The following RFX7 variants were observed in gnomAD, a reference collection of about 807,000 sequenced individuals.
The protein encoded by RFX7 is regulatory factor X7.
RFX7 carries 26 observed loss-of-function variants against 111.8 expected under a neutral mutation model. The ratio of observed to expected loss-of-function variants is 0.23; its 90% CI spans 0.17 to 0.32. The LOEUF (loss-of-function observed/expected upper bound fraction) is 0.32, where lower values mean the gene tolerates loss of function less well. Among genes scored for constraint, RFX7 ranks in the 10% least tolerant of loss-of-function variants. The probability of loss-of-function intolerance (pLI) is 1.00; values close to 1 mark genes in which losing one functional copy is unlikely to be tolerated. For synonymous variants in RFX7, 624 were observed against 624.4 expected (o/e 1.00, Z 0.01); for missense variants, 1,573 against 1,772.9 (o/e 0.89, Z 2.02).
intron 5 of RFX7, among the ~76,000 whole-genome samples, chr15:56,138,975 C>T (rs552362301): frequency 1.7e-4 from 26 of 152,080 alleles, no homozygotes; most frequent in South Asian, 8.3e-4. Context: ...GGGTTTCTGC[C>T]GAGAGATCCG....
chr15:56,111,969 G>T (rs1397321533), intron 5 of RFX7, among the ~76,000 whole-genome samples: 1 of 151,972 alleles, frequency 6.6e-6, no homozygotes. Context: ...ACAAAAACTA[G>T]CCGGGCGTGG....
chr15:56,199,040 G>C (rs1198148789), intron 2 of RFX7, among the ~76,000 whole-genome samples: 6 of 151,960 alleles, frequency 3.9e-5, no homozygotes, highest in Non-Finnish European at 8.8e-5. Flanking sequence ...GGACTTAGCA[G>C]ATCCTTTTAA....
chr15:56,206,132 A>G (rs1475666339), intron 2 of RFX7, among the ~76,000 whole-genome samples: 2 of 152,186 alleles, frequency 1.3e-5, no homozygotes, highest in Non-Finnish European at 2.9e-5. Flanking sequence ...ACCTTTGTAC[A>G]CTAATGTTGA....
intron 2 of RFX7, among the ~76,000 whole-genome samples, chr15:56,205,749 A>G (rs1475426771): frequency 1.3e-5 from 2 of 152,206 alleles, no homozygotes; most frequent in African/African-American, 4.8e-5. Flanking sequence ...GAACCTGGAA[A>G]TAAACTCACT....
chr15:56,235,789 G>A lies in RFX7; in HGVS notation c.161+7336C>T, dbSNP rs531106046. ...AAGTTCCAATCAATTTGCTAATCCCGTGTTGGAATGGGTGTAAAGGTATCC... is the reference window on the plus strand; with the variant it reads ...AAGTTCCAATCAATTTGCTAATCCCATGTTGGAATGGGTGTAAAGGTATCC... On this transcript the variant is annotated intron_variant, in intron 2 of 9. Coordinates refer to ENST00000559447, the MANE Select transcript of RFX7 (RefSeq NM_022841.7). Among the ~76,000 whole-genome samples the A allele has an allele frequency of 3.7e-4, 56 of 152,292 alleles. No homozygotes were observed. The South Asian group carries it at 5.0e-3, about 14-fold the overall frequency.
At chr15:56,112,682 C>G (rs117493222) in intron 5 of RFX7, among the ~76,000 whole-genome samples, 1 of 152,080 alleles carries the variant, frequency 6.6e-6, no homozygotes, top group Non-Finnish European at 1.5e-5. Flanking sequence ...AAGAGCTGCA[C>G]AGCAAAAGAA....
At chr15:56,185,100 A>C (rs552726165) in intron 2 of RFX7, among the ~76,000 whole-genome samples, 50 of 152,356 alleles carry the variant, frequency 3.3e-4, no homozygotes, top group Admixed American at 2.0e-3. Flanking sequence ...CACAAAAGAA[A>C]GACTTTATCT....
chr15:56,208,141 C>G (rs2043274268), intron 2 of RFX7, among the ~76,000 whole-genome samples: 2 of 152,248 alleles, frequency 1.3e-5, no homozygotes, highest in South Asian at 4.1e-4. Flanking sequence ...ACTTTCATGC[C>G]TTAGACAAGG....
At chr15:56,176,439 C>T (rs552219314) in intron 3 of RFX7, among the ~76,000 whole-genome samples, 1 of 152,048 alleles carries the variant, frequency 6.6e-6, no homozygotes, top group South Asian at 2.1e-4. Flanking sequence ...AATCTTAATA[C>T]CAACAAAAGA....
At chr15:56,243,055 CG>C in intron 2 of RFX7, 69 bp downstream of exon 2, 9 of 779,930 alleles carry the variant, frequency 1.2e-5, no homozygotes, top group Admixed American at 7.7e-5. Context: ...CCCCGCCCGC[CG>C]CCCCCCACCC....
At chr15:56,131,103 G>C (rs1405845450) in intron 5 of RFX7, among the ~76,000 whole-genome samples, 3 of 147,686 alleles carry the variant, frequency 2.0e-5, no homozygotes, top group Admixed American at 6.8e-5. Flanking sequence ...ACCTGACAAA[G>C]ATAGCATAAA....
At chr15:56,121,240 A>G (rs1271766099) in intron 5 of RFX7, among the ~76,000 whole-genome samples, 1 of 152,068 alleles carries the variant, frequency 6.6e-6, no homozygotes, top group Non-Finnish European at 1.5e-5. Context: ...TTTGAAAGAT[A>G]TTTTCACTGG....
At chr15:56,142,700 T>C (rs2042416914) in intron 5 of RFX7, 78 bp downstream of exon 5, 2 of 1,321,944 alleles carry the variant, frequency 1.5e-6, no homozygotes, top group Admixed American at 2.2e-5. Flanking sequence ...TCACCAATAA[T>C]AAAACAAATC....
Position 56,089,567 on chromosome 15 carries a change from C to G in RFX7, c.*3778G>C, listed in dbSNP as rs952210057. ...CCCCAGAATTTCTTACTGGTTGACT[C>G]TATGCACTGGTTCTTATGTTTGCCT... On this transcript the variant is annotated 3_prime_UTR_variant, in exon 10 of 10. Coordinates refer to ENST00000559447, the MANE Select transcript of RFX7 (RefSeq NM_022841.7). 1.3e-4 allele frequency: 20 copies of G among 152,228 alleles called. No individual in the cohort carries two copies. Among genetic ancestry groups the G allele is most frequent in the Admixed American group, 1.1e-3 (17 of 15,276 alleles). The allele number at this position is 152,228 out of a possible 1,614,324, so 9.4% of individuals were successfully genotyped here.
intron 5 of RFX7, among the ~76,000 whole-genome samples, chr15:56,139,384 ACT>A (rs2042354654): frequency 6.6e-6 from 1 of 151,990 alleles, no homozygotes; most frequent in Non-Finnish European, 1.5e-5. Context: ...CATCGCTGAT[ACT>A]CTTTCTTCCA....
chr15:56,123,807 T>C (rs1360805038), intron 5 of RFX7, among the ~76,000 whole-genome samples: 2 of 152,238 alleles, frequency 1.3e-5, no homozygotes, highest in Admixed American at 1.3e-4. Flanking sequence ...CCACAGGAGC[T>C]GGCTGAGTTC....
In RFX7 at chr15:56,178,137, CA is replaced by C. The variant is rs755049971; in HGVS notation, c.195+1132del. Among the ~76,000 whole-genome samples the C allele has an allele frequency of 3.0e-3, 289 of 97,246 alleles. 1 individual carries two copies. The highest frequency in any genetic ancestry group is 9.1e-3 in the African/African-American group (243 of 26,580). The allele number at this position is 97,246 out of a possible 152,430, so 63.8% of individuals were successfully genotyped here. ...CCTACTTCAGAGGATTATTATAAGA[CA>C]AAAAAAAAAACTCGAAAACCAAAAA... On this transcript the variant is annotated intron_variant, in intron 3 of 9. Coordinates refer to ENST00000559447, the MANE Select transcript of RFX7 (RefSeq NM_022841.7).
chr15:56,199,604 T>C lies in RFX7; in HGVS notation c.162-20301A>G, dbSNP rs148066027. On this transcript the variant is annotated intron_variant, in intron 2 of 9. Transcript: ENST00000559447. ...AATATGTCAAATAACAGGAAAGCAT[T>C]TGCACATATAATATACTCCTTAAAG... Among the ~76,000 whole-genome samples, 786 of 152,200 alleles carry C rather than the reference T, an allele frequency of 5.2e-3. 3 individuals are homozygous for C. Among genetic ancestry groups the C allele is most frequent in the Admixed American group, 8.4e-3 (128 of 15,288 alleles).
At chr15:56,154,330 C>G (rs2042619069) in intron 3 of RFX7, among the ~76,000 whole-genome samples, 1 of 152,166 alleles carries the variant, frequency 6.6e-6, no homozygotes, top group South Asian at 2.1e-4. Flanking sequence ...CCAAGACAAT[C>G]CGGGGCAGGA....
Sources: gnomAD v4.1 joint callset for allele counts (sites outside exome capture counted in the v4.1 genomes callset) on GRCh38, gnomAD v4.1.1 for gene constraint, MANE v1.5 for transcripts, NCBI Gene and HGNC (gene_info 2026-07-23, HGNC 2026-07-21) for gene names.